The following OTUD7A variants were observed in gnomAD, a reference collection of about 807,000 sequenced individuals.
OTUD7A encodes the protein OTU deubiquitinase 7A.
OTUD7A carries 12 observed loss-of-function variants against 65.7 expected under a neutral mutation model. The ratio of observed to expected loss-of-function variants is 0.18; its 90% CI spans 0.12 to 0.30. OTUD7A has a LOEUF of 0.30. OTUD7A is among the 10% of genes least tolerant of loss of function. The pLI, the probability that OTUD7A is intolerant of heterozygous loss-of-function variation, is 1.00. For synonymous variants in OTUD7A, 641 were observed against 586.3 expected, an observed-to-expected ratio of 1.09 and a Z score of -1.35; for missense variants, 1,148 against 1,304.8, an observed-to-expected ratio of 0.88 and a Z score of 1.85.
intron 3 of OTUD7A, among the ~76,000 whole-genome samples, chr15:31,604,575 A>G (rs1890182086): frequency 6.7e-6 from 1 of 149,106 alleles, no homozygotes; most frequent in Non-Finnish European, 1.5e-5. Context: ...CACATTCTGC[A>G]CATGTACCCC....
intron 10 of OTUD7A, among the ~76,000 whole-genome samples, chr15:31,499,621 C>T (rs1250515733): frequency 6.6e-6 from 1 of 152,266 alleles, no homozygotes; most frequent in Non-Finnish European, 1.5e-5. Context: ...TCTAAGGGGG[C>T]ACAAGGGTGC....
rs570955435 is a variant in OTUD7A at position 31,720,239 on chromosome 15, G to A, written c.-99-63162C>T. On this transcript the variant is annotated intron_variant, in intron 1 of 12. Coordinates refer to ENST00000307050, the MANE Select transcript of OTUD7A (RefSeq NM_001382637.1). The stretch of plus-strand genomic sequence containing the variant: ...TAGAGTGTTTATGTAGCTTCCATCT[G>A]TGCCACATCCAATAGTTGTTATTTA... Among the ~76,000 whole-genome samples the A allele has an allele frequency of 1.4e-4, 21 of 151,356 alleles. No homozygotes were observed. The East Asian group carries it at 2.1e-3, about 15-fold the overall frequency.
intron 1 of OTUD7A, among the ~76,000 whole-genome samples, chr15:31,790,197 A>C (rs1008263901): frequency 1.3e-5 from 2 of 152,200 alleles, no homozygotes; most frequent in African/African-American, 4.8e-5. Context: ...TGGCTCCTAC[A>C]TGGCGTCAGG....
At chr15:31,774,882 C>T (rs570935611) in intron 1 of OTUD7A, among the ~76,000 whole-genome samples, 5 of 150,640 alleles carry the variant, frequency 3.3e-5, no homozygotes, top group South Asian at 2.1e-4. Context: ...TGGATTGTGA[C>T]GTTGTCCTGG....
intron 3 of OTUD7A, among the ~76,000 whole-genome samples, chr15:31,635,623 T>G (rs1891317709): frequency 6.6e-6 from 1 of 152,232 alleles, no homozygotes; most frequent in Admixed American, 6.5e-5. Context: ...CAGTGGGGCA[T>G]GTACTACAAC....
At chr15:31,728,753 T>C (rs1309545483) in intron 1 of OTUD7A, among the ~76,000 whole-genome samples, 1 of 152,264 alleles carries the variant, frequency 6.6e-6, no homozygotes, top group Non-Finnish European at 1.5e-5. Context: ...ACCCACTTTT[T>C]TCCTTTACTA....
intron 1 of OTUD7A, among the ~76,000 whole-genome samples, chr15:31,810,421 T>C (rs940849198): frequency 1.9e-4 from 29 of 152,158 alleles, no homozygotes; most frequent in Non-Finnish European, 3.4e-4. Flanking sequence ...GGTGGGGCCC[T>C]AAACCAATAG....
chr15:31,656,755 G>A (rs1416714925), intron 2 of OTUD7A, among the ~76,000 whole-genome samples: 2 of 151,864 alleles, frequency 1.3e-5, no homozygotes, highest in Non-Finnish European at 2.9e-5. Context: ...CCCTGGCCCT[G>A]CCCCTGTCCA....
intron 7 of OTUD7A, 139 bp from the exon 8 acceptor site, chr15:31,526,600 CA>C: frequency 1.6e-6 from 1 of 613,234 alleles, no homozygotes; most frequent in Non-Finnish European, 2.7e-6. Context: ...ATACCAACTG[CA>C]CCCTCTTGGC....
intron 1 of OTUD7A, among the ~76,000 whole-genome samples, chr15:31,720,155 GA>G (rs1439887204): frequency 3.3e-5 from 5 of 150,680 alleles, no homozygotes; most frequent in South Asian, 2.1e-4. Context: ...AAGAATCGTG[GA>G]AAAGTTTAAA....
chr15:31,862,267 C>G (rs1318616514), intron 1 of OTUD7A, among the ~76,000 whole-genome samples: 1 of 152,196 alleles, frequency 6.6e-6, no homozygotes. Flanking sequence ...GCCCAATGAG[C>G]CCTTGTATGC....
At chr15:31,752,547 C>A (rs1025153532) in intron 1 of OTUD7A, among the ~76,000 whole-genome samples, 2 of 152,120 alleles carry the variant, frequency 1.3e-5, no homozygotes, top group African/African-American at 4.8e-5. Flanking sequence ...TTTATTCATG[C>A]ATAATTTTGC....
At chr15:31,800,465 T>C (rs956702009) in intron 1 of OTUD7A, among the ~76,000 whole-genome samples, 7 of 152,166 alleles carry the variant, frequency 4.6e-5, no homozygotes, top group Non-Finnish European at 1.0e-4. Context: ...GCTCATTGTG[T>C]GTTCCTGAAG....
intron 1 of OTUD7A, among the ~76,000 whole-genome samples, chr15:31,793,170 T>A (rs1440468063): frequency 6.6e-6 from 1 of 152,158 alleles, no homozygotes; most frequent in Admixed American, 6.5e-5. Flanking sequence ...AGGAATGTCC[T>A]TTCTGATAAT....
intron 3 of OTUD7A, among the ~76,000 whole-genome samples, chr15:31,616,869 A>G (rs1204558029): frequency 1.3e-5 from 2 of 152,182 alleles, no homozygotes; most frequent in South Asian, 4.1e-4. Context: ...AGTTTAAAAG[A>G]AAGAATATGT....
chr15:31,699,331 G>A (rs1230778875), intron 1 of OTUD7A, among the ~76,000 whole-genome samples: 17 of 152,192 alleles, frequency 1.1e-4, no homozygotes, highest in Middle Eastern at 3.4e-3. Flanking sequence ...CGCCCGCCTC[G>A]GCCTCCCAAA....
chr15:31,580,283 A>G (rs1343617960), intron 3 of OTUD7A, among the ~76,000 whole-genome samples: 2 of 152,142 alleles, frequency 1.3e-5, no homozygotes, highest in African/African-American at 4.8e-5. Context: ...GGAGGATGAG[A>G]TGCCAGGAGA....
chr15:31,606,989 TG>T (rs1157596091), intron 3 of OTUD7A, among the ~76,000 whole-genome samples: 1 of 152,124 alleles, frequency 6.6e-6, no homozygotes, highest in African/African-American at 2.4e-5. Flanking sequence ...CTGGAAATGG[TG>T]GAGTAGGTTG....
At chr15:31,750,630 A>G (rs1894608086) in intron 1 of OTUD7A, among the ~76,000 whole-genome samples, 1 of 152,148 alleles carries the variant, frequency 6.6e-6, no homozygotes, top group Non-Finnish European at 1.5e-5. Flanking sequence ...CAGTAACCAA[A>G]ACAGTATGGT....
Sources: gnomAD v4.1 joint callset for allele counts (sites outside exome capture counted in the v4.1 genomes callset) on GRCh38, gnomAD v4.1.1 for gene constraint, MANE v1.5 for transcripts, NCBI Gene and HGNC (gene_info 2026-07-23, HGNC 2026-07-21) for gene names.